The following NOL4 variants were observed in gnomAD, a reference collection of about 807,000 sequenced individuals.
NOL4 encodes cancer/testis antigen 125.
NOL4 carries 17 observed loss-of-function variants against 75.9 expected under a neutral mutation model. The observed-to-expected ratio is 0.22, with a 90% CI of 0.15 to 0.34. The LOEUF (loss-of-function observed/expected upper bound fraction) is 0.34, where lower values mean the gene tolerates loss of function less well. Among genes scored for constraint, NOL4 ranks in the 10% least tolerant of loss-of-function variants. The pLI is 1.00. For missense variants in NOL4, 614 were observed against 793.5 expected, an observed-to-expected ratio of 0.77 and a Z score of 2.72; for synonymous variants, 292 against 289.9, an observed-to-expected ratio of 1.01 and a Z score of -0.07.
intron 1 of NOL4, among the ~76,000 whole-genome samples, chr18:34,141,882 C>T (rs2081183229): frequency 6.6e-6 from 1 of 152,140 alleles, no homozygotes; most frequent in Admixed American, 6.5e-5. Context: ...AAACTACCAT[C>T]AGAGTGTACA....
At chr18:34,078,651 A>G (rs1194860074) in intron 5 of NOL4, among the ~76,000 whole-genome samples, 4 of 152,246 alleles carry the variant, frequency 2.6e-5, no homozygotes, top group Non-Finnish European at 4.4e-5. Flanking sequence ...CCAATATGAA[A>G]ACAATAATTC....
chr18:33,982,509 A>G (rs2072046766), intron 6 of NOL4, among the ~76,000 whole-genome samples: 1 of 152,176 alleles, frequency 6.6e-6, no homozygotes, highest in East Asian at 1.9e-4. Context: ...CCAAGAAGAC[A>G]GAACAATCTG....
intron 9 of NOL4, among the ~76,000 whole-genome samples, chr18:33,886,918 A>G (rs1432633866): frequency 7.2e-6 from 1 of 139,410 alleles, no homozygotes; most frequent in Admixed American, 7.4e-5. Flanking sequence ...ATATCTATAT[A>G]CATATATATC....
At chr18:34,210,349 A>T (rs1272429329) in intron 1 of NOL4, among the ~76,000 whole-genome samples, 1 of 152,108 alleles carries the variant, frequency 6.6e-6, no homozygotes, top group East Asian at 1.9e-4. Flanking sequence ...TTTTTTTCCC[A>T]TAGGTCTTTT....
At chr18:34,138,107 C>G (rs902588768) in intron 1 of NOL4, among the ~76,000 whole-genome samples, 1 of 151,978 alleles carries the variant, frequency 6.6e-6, no homozygotes, top group East Asian at 1.9e-4. Context: ...AGAAAATAGG[C>G]AAATGTATAT....
At chr18:34,134,951 G>C (rs567835404) in intron 1 of NOL4, among the ~76,000 whole-genome samples, 1 of 152,186 alleles carries the variant, frequency 6.6e-6, no homozygotes, top group East Asian at 1.9e-4. Flanking sequence ...CTAAATGCCT[G>C]TATTAAAAAA....
At chr18:34,143,821 C>T (rs1481104405) in intron 1 of NOL4, among the ~76,000 whole-genome samples, 4 of 143,996 alleles carry the variant, frequency 2.8e-5, no homozygotes, top group African/African-American at 5.2e-5. Flanking sequence ...GCCAAGATTG[C>T]ACCACTTCAC....
chr18:34,019,294 CT>C lies in NOL4; in HGVS notation c.1056+23del, dbSNP rs761934190. ...GACCTTCATGACCAACTCAAAAATT[CT>C]GGAAATTGTAATGTGATCATACCTT... On this transcript the variant is annotated intron_variant, in intron 6 of 10. Transcript: ENST00000261592. The C allele has an allele frequency of 2.3e-5, 37 of 1,598,432 alleles. 1 individual carries two copies. In the South Asian group the frequency reaches 3.5e-4, roughly 15 times the overall value.
At chr18:34,106,676 T>C (rs1017195598) in intron 2 of NOL4, among the ~76,000 whole-genome samples, 51 of 151,534 alleles carry the variant, frequency 3.4e-4, no homozygotes, top group African/African-American at 9.2e-4. Flanking sequence ...ATATATAATT[T>C]AGGTTCTCAT....
intron 9 of NOL4, among the ~76,000 whole-genome samples, chr18:33,915,336 G>C (rs1379038815): frequency 2.0e-5 from 3 of 152,088 alleles, no homozygotes; most frequent in Non-Finnish European, 4.4e-5. Flanking sequence ...ACATTTTTAA[G>C]GACTACTGTT....
chr18:33,851,951 C>A lies in NOL4; in HGVS notation c.*891G>T, dbSNP rs1393858568. The A allele has an allele frequency of 6.6e-6, 1 of 152,322 alleles. No homozygotes were observed. Among genetic ancestry groups the A allele is most frequent in the Non-Finnish European group, 1.5e-5 (1 of 67,980 alleles). 9.4% of individuals were successfully genotyped at this position (152,322 alleles called of 1,614,324 possible). On this transcript the variant is annotated 3_prime_UTR_variant, in exon 11 of 11. Coordinates refer to ENST00000261592, the MANE Select transcript of NOL4 (RefSeq NM_003787.5). Reference sequence around the variant, plus strand: ...CATCCAGGTGCTGCTAGAGGGATGCCTGGAGACAGCAGCGGCAATCAGGAA... The same window carrying A: ...CATCCAGGTGCTGCTAGAGGGATGCATGGAGACAGCAGCGGCAATCAGGAA...
At chr18:33,872,456 C>A (rs2063743498) in intron 10 of NOL4, among the ~76,000 whole-genome samples, 1 of 151,826 alleles carries the variant, frequency 6.6e-6, no homozygotes, top group Admixed American at 6.6e-5. Context: ...GTTCATTGAC[C>A]CCATTTATCT....
chr18:34,117,557 T>C (rs532767421), intron 2 of NOL4, among the ~76,000 whole-genome samples: 1 of 152,294 alleles, frequency 6.6e-6, no homozygotes, highest in East Asian at 1.9e-4. Flanking sequence ...TGTCTCAGGT[T>C]ACAAAGTTTC....
chr18:34,146,278 G>C (rs536192470), intron 1 of NOL4, among the ~76,000 whole-genome samples: 7 of 151,982 alleles, frequency 4.6e-5, no homozygotes, highest in African/African-American at 1.7e-4. Context: ...AGCTTTTGGT[G>C]TTTTAGTCAT....
intron 5 of NOL4, among the ~76,000 whole-genome samples, chr18:34,062,636 A>G (rs2077111660): frequency 6.6e-6 from 1 of 152,126 alleles, no homozygotes; most frequent in South Asian, 2.1e-4. Flanking sequence ...TGTGTTAAAG[A>G]AGGGGTTATA....
chr18:33,852,799 A>G lies in NOL4; in HGVS notation c.*43T>C, dbSNP rs2062678164. 6.5e-7 allele frequency: 1 copy of G among 1,550,040 alleles called. No homozygotes were observed. Among genetic ancestry groups the G allele is most frequent in the Admixed American group, 1.7e-5 (1 of 57,146 alleles). On this transcript the variant is annotated 3_prime_UTR_variant, in exon 11 of 11. Coordinates refer to ENST00000261592, the MANE Select transcript of NOL4 (RefSeq NM_003787.5). ...TGGGAAATCAAAATGTCATTAGTGG[A>G]AACTGCAAATTTAGACCTCAGTGAA...
chr18:34,202,394 C>T (rs909659463), intron 1 of NOL4, among the ~76,000 whole-genome samples: 1 of 151,750 alleles, frequency 6.6e-6, no homozygotes, highest in African/African-American at 2.4e-5. Context: ...ATACTTTAAT[C>T]TTAGAGTTAA....
intron 1 of NOL4, among the ~76,000 whole-genome samples, chr18:34,215,113 C>T (rs962465835): frequency 6.6e-6 from 1 of 152,138 alleles, no homozygotes; most frequent in South Asian, 2.1e-4. Flanking sequence ...CTTAACACTA[C>T]TTAAGTCTAC....
intron 5 of NOL4, among the ~76,000 whole-genome samples, chr18:34,034,644 C>CT (rs2075800026): frequency 6.6e-6 from 1 of 151,966 alleles, no homozygotes; most frequent in Admixed American, 6.6e-5. Flanking sequence ...GAGGCTGGGG[C>CT]ATGAGAATCA....
Sources: allele counts gnomAD v4.1 joint callset (sites outside exome capture counted in the v4.1 genomes callset), GRCh38; gene constraint gnomAD v4.1.1; transcripts MANE v1.5; gene names NCBI Gene and HGNC (gene_info 2026-07-23, HGNC 2026-07-21).